The following PRPSAP2 variants were observed in gnomAD, a reference collection of about 807,000 sequenced individuals.
PRPSAP2 encodes the protein phosphoribosyl pyrophosphate synthase-associated protein 2.
A neutral mutation model predicts 40.6 loss-of-function variants in PRPSAP2; 24 were observed. That is an observed-to-expected ratio of 0.59 (90% confidence interval 0.43 to 0.83). The LOEUF (loss-of-function observed/expected upper bound fraction) is 0.83, where lower values mean the gene tolerates loss of function less well. PRPSAP2 is among the 40% of genes least tolerant of loss of function. The probability of loss-of-function intolerance (pLI) is 0.00; values close to 1 mark genes in which losing one functional copy is unlikely to be tolerated. For synonymous variants in PRPSAP2, 149 were observed against 164.7 expected (o/e 0.90, Z 0.73); for missense variants, 292 against 465.6 (o/e 0.63, Z 3.43).
At chr17:18,889,582 T>C (rs1240144361) in intron 7 of PRPSAP2, among the ~76,000 whole-genome samples, 1 of 152,230 alleles carries the variant, frequency 6.6e-6, no homozygotes, top group Non-Finnish European at 1.5e-5. Flanking sequence ...TAGTATTTGC[T>C]GGCAGAGATA....
At chr17:18,875,439 C>T (rs2038214730) in intron 5 of PRPSAP2, among the ~76,000 whole-genome samples, 1 of 151,824 alleles carries the variant, frequency 6.6e-6, no homozygotes, top group Non-Finnish European at 1.5e-5. Flanking sequence ...GTCATGAGCG[C>T]CTGTAGTCCC....
chr17:18,880,238 C>T (rs181831011), intron 6 of PRPSAP2, among the ~76,000 whole-genome samples: 1 of 152,206 alleles, frequency 6.6e-6, no homozygotes, highest in East Asian at 1.9e-4. Context: ...TCTCTACCAG[C>T]CTTGCTTGAT....
intron 2 of PRPSAP2, 77 bp downstream of exon 2, chr17:18,865,641 C>T (rs1032215306): frequency 3.3e-6 from 1 of 302,546 alleles, no homozygotes. Context: ...ACCCTGAAAT[C>T]CAACTGAACT....
intron 6 of PRPSAP2, among the ~76,000 whole-genome samples, chr17:18,879,089 C>T (rs1281549420): frequency 2.0e-5 from 3 of 152,014 alleles, no homozygotes; most frequent in African/African-American, 7.2e-5. Context: ...AGGCTGGTCT[C>T]GAACTCCTGA....
intron 4 of PRPSAP2, among the ~76,000 whole-genome samples, chr17:18,868,063 G>T (rs1364813342): frequency 6.6e-6 from 1 of 152,192 alleles, no homozygotes; most frequent in East Asian, 1.9e-4. Context: ...TTGAGCCCAG[G>T]AGGTGGAGGC....
intron 3 of PRPSAP2, among the ~76,000 whole-genome samples, chr17:18,866,792 A>G (rs2037464778): frequency 6.6e-6 from 1 of 152,180 alleles, no homozygotes; most frequent in Non-Finnish European, 1.5e-5. Flanking sequence ...ATTTCAGATG[A>G]TGTCAATGCT....
At chr17:18,865,700 G>A in intron 2 of PRPSAP2, 102 bp from the exon 3 acceptor site, 1 of 655,246 alleles carries the variant, frequency 1.5e-6, no homozygotes, top group South Asian at 7.3e-5. Context: ...TATTAGGATG[G>A]AAACTAATTT....
chr17:18,869,903 A>G (rs1056863826), intron 4 of PRPSAP2, among the ~76,000 whole-genome samples: 1 of 147,824 alleles, frequency 6.8e-6, no homozygotes, highest in African/African-American at 2.5e-5. Context: ...GCTGGAGTAC[A>G]GTGGCGCAAT....
intron 5 of PRPSAP2, among the ~76,000 whole-genome samples, chr17:18,876,081 C>T (rs751974692): frequency 5.9e-5 from 9 of 152,046 alleles, no homozygotes; most frequent in Admixed American, 1.3e-4. Flanking sequence ...TGCGGTGAGC[C>T]GAGATCATGC....
At chr17:18,923,585 G>C (rs1448866848) in intron 9 of PRPSAP2, among the ~76,000 whole-genome samples, 1 of 152,212 alleles carries the variant, frequency 6.6e-6, no homozygotes, top group African/African-American at 2.4e-5. Flanking sequence ...TGCTAATAGA[G>C]ATAGTTTTAC....
At chr17:18,881,851 T>C (rs1335717407) in intron 6 of PRPSAP2, among the ~76,000 whole-genome samples, 7 of 146,114 alleles carry the variant, frequency 4.8e-5, no homozygotes, top group Admixed American at 4.8e-4. Context: ...AATTTTTTTT[T>C]TTTTTTTGAG....
chr17:18,872,790 GT>G (rs1419001445), intron 5 of PRPSAP2, 141 bp downstream of exon 5: 3 of 639,744 alleles, frequency 4.7e-6, no homozygotes, highest in Non-Finnish European at 8.0e-6. Flanking sequence ...AGAAAACTAA[GT>G]TTTCTGACAT....
At position 18,877,614 on chromosome 17, in the gene PRPSAP2, G is replaced by A; in HGVS notation, c.240-84G>A. The A allele has an allele frequency of 2.3e-6, 3 of 1,322,722 alleles. No individual in the cohort carries two copies. The South Asian group carries it at 4.3e-5, about 19-fold the overall frequency. The allele number at this position is 1,322,722 out of a possible 1,614,324, so 81.9% of individuals were successfully genotyped here. On this transcript the variant is annotated intron_variant, in intron 5 of 11. Transcript: ENST00000268835. ...TGCACCTTAGGTTGTATAAAGGCAT[G>A]AGTAACACACTGCTGACACTTTTTG...
At chr17:18,907,169 C>T (rs1188450409) in intron 8 of PRPSAP2, among the ~76,000 whole-genome samples, 1 of 151,948 alleles carries the variant, frequency 6.6e-6, no homozygotes, top group East Asian at 1.9e-4. Flanking sequence ...TTGTTGGATT[C>T]TTAAACACTT....
At chr17:18,929,074 G>A (rs538667904) in intron 11 of PRPSAP2, 117 bp downstream of exon 11, 1 of 1,434,350 alleles carries the variant, frequency 7.0e-7, no homozygotes, top group South Asian at 1.3e-5. Context: ...AACGATTCAA[G>A]GGCTGGGTGC....
At chr17:18,915,025 CTTTTT>C (rs35684867) in intron 9 of PRPSAP2, among the ~76,000 whole-genome samples, 1 of 130,196 alleles carries the variant, frequency 7.7e-6, no homozygotes, top group Non-Finnish European at 1.6e-5. Flanking sequence ...TGCACCCGAC[CTTTTT>C]TTTTTTTTTT....
chr17:18,922,115 C>T (rs967507338), intron 9 of PRPSAP2, among the ~76,000 whole-genome samples: 1 of 152,156 alleles, frequency 6.6e-6, no homozygotes, highest in African/African-American at 2.4e-5. Flanking sequence ...TTTCTTTGAG[C>T]ATGTTTTTGA....
chr17:18,916,831 A>T (rs893167957), intron 9 of PRPSAP2, among the ~76,000 whole-genome samples: 2 of 152,210 alleles, frequency 1.3e-5, no homozygotes, highest in African/African-American at 4.8e-5. Context: ...CAGATGGTGG[A>T]AGGAGCAAGG....
chr17:18,914,852 G>A (rs2041209294), intron 9 of PRPSAP2, among the ~76,000 whole-genome samples: 1 of 151,572 alleles, frequency 6.6e-6, no homozygotes, highest in South Asian at 2.1e-4. Flanking sequence ...GGCCTCCTGA[G>A]TAGCTAGCAC....
Sources: gnomAD v4.1 joint callset for allele counts (sites outside exome capture counted in the v4.1 genomes callset) on GRCh38, gnomAD v4.1.1 for gene constraint, MANE v1.5 for transcripts, NCBI Gene and HGNC (gene_info 2026-07-23, HGNC 2026-07-21) for gene names.